The following APRT variants were observed in gnomAD, a reference collection of about 807,000 sequenced individuals.
The protein encoded by APRT is AMP diphosphorylase.
In APRT, 25 loss-of-function variants were observed where a neutral mutation model predicts 21.0. The observed-to-expected ratio is 1.19, with a 90% CI of 0.87 to 1.66. The LOEUF (loss-of-function observed/expected upper bound fraction) is 1.66, where lower values mean the gene tolerates loss of function less well. Among genes scored for constraint, APRT ranks in the 40% most tolerant of loss-of-function variants. The pLI, the probability that APRT is intolerant of heterozygous loss-of-function variation, is 0.00. For missense variants in APRT, 294 were observed against 232.7 expected (o/e 1.26, Z -1.72); for synonymous variants, 153 against 109.0 (o/e 1.40, Z -2.52).
chr16:88,809,437 G>GC lies in APRT; in HGVS notation c.*260dup. 1.6e-6 allele frequency: 1 copy of GC among 609,272 alleles called. No homozygotes were observed. Among genetic ancestry groups the GC allele is most frequent in the Non-Finnish European group, 3.0e-6 (1 of 329,034 alleles). The allele number at this position is 609,272 out of a possible 1,614,324, so 37.7% of individuals were successfully genotyped here. Reference sequence around the variant, plus strand: ...GTCTGGTGTTGTCCTGGGGCTCCCTGCCCTGGGGAACAGGAGGACAGGAGA... The same window carrying GC: ...GTCTGGTGTTGTCCTGGGGCTCCCTGCCCCTGGGGAACAGGAGGACAGGAGA... On this transcript the variant is annotated 3_prime_UTR_variant, in exon 5 of 5. Coordinates refer to ENST00000378364, the MANE Select transcript of APRT (RefSeq NM_000485.3).
rs138781159 is a variant in APRT at position 88,810,480 on chromosome 16, C to T, written c.264G>A (p.Lys88=). ...GAGTGGGGCCTGGCAGCTTCCCCCG[C>T]TTTCGGATGAGCACGCAGCCCAGTC... ...ELGLGCVLIR[K]RGKLPGPTLW... The change falls in exon 3 of 5, where the codon AAG becomes AAA. Residue 88 remains lysine (K), a synonymous_variant. Transcript: ENST00000378364. 72 of 1,612,234 alleles carry T rather than the reference C, an allele frequency of 4.5e-5. No homozygotes were observed. In the African/African-American group the frequency reaches 7.9e-4, roughly 18 times the overall value.
Position 88,809,539 on chromosome 16 carries a change from TGCCCCAGGCTTTGGCACTTCCA to T in APRT, c.*137_*158del, listed in dbSNP as rs1909021812. On this transcript the variant is annotated 3_prime_UTR_variant, in exon 5 of 5. Coordinates refer to ENST00000378364, the MANE Select transcript of APRT (RefSeq NM_000485.3). ...GTTCAGTGTGGCTGAAACACAGCTT[TGCCCCAGGCTTTGGCACTTCCA>T]GCCCCAGGAGAGGCGCTGAACCCCA... 5.9e-6 allele frequency: 7 copies of T among 1,177,958 alleles called. No individual in the cohort carries two copies. Among genetic ancestry groups the T allele is most frequent in the South Asian group, 2.6e-5 (2 of 78,014 alleles). The allele number at this position is 1,177,958 out of a possible 1,614,324, so 73.0% of individuals were successfully genotyped here. A position where few individuals can be genotyped will look rare whatever the true frequency, so the allele number is the denominator to read the frequency against.
At position 88,811,768 on chromosome 16, in the gene APRT, C is replaced by A. The variant is rs8191470; in HGVS notation, c.80+52G>T. 4.5e-3 allele frequency: 6,865 copies of A among 1,520,792 alleles called. 227 individuals carry two copies. In the African/African-American group the frequency reaches 0.08, roughly 18 times the overall value. 94.2% of individuals were successfully genotyped at this position (1,520,792 alleles called of 1,614,324 possible). ...CCCGGAGGTCGCGGGCCACGCGCTCCCATCCGTAGGCCCGCAGGTCGGGGC... is the reference window on the plus strand; with the variant it reads ...CCCGGAGGTCGCGGGCCACGCGCTCACATCCGTAGGCCCGCAGGTCGGGGC... On this transcript the variant is annotated intron_variant, in intron 1 of 4. Coordinates refer to ENST00000378364, the MANE Select transcript of APRT (RefSeq NM_000485.3).
chr16:88,809,700 A>C lies in APRT; in HGVS notation c.541T>G (p.Ter181GlyextTer?). 1 of 1,613,314 alleles carries C rather than the reference A, an allele frequency of 6.2e-7. No individual in the cohort carries two copies. The highest frequency in any genetic ancestry group is 8.5e-7 in the Non-Finnish European group (1 of 1,179,990). ...VPFFSLLQYE[*>G] ...TGTTGGGCTGGGAGGCCCTGTGGTC[A>C]CTCATACTGCAGGAGAGAGAAGAAG... is the stretch of plus-strand genomic sequence containing the variant. Residue 181 changes from the stop codon to glycine (G), a stop_lost, in exon 5 of 5, where the codon TGA becomes GGA. Coordinates refer to ENST00000378364, the MANE Select transcript of APRT (RefSeq NM_000485.3).
At chr16:88,810,178 G>C (rs769819482) in intron 3 of APRT, 30 bp from the exon 4 acceptor site, 13 of 1,607,372 alleles carry the variant, frequency 8.1e-6, no homozygotes, top group South Asian at 1.1e-5. Flanking sequence ...GTGGTCCTCA[G>C]CCTCCCGCAG....
intron 2 of APRT, chr16:88,811,171 G>A (rs552015012): frequency 4.8e-5 from 21 of 435,816 alleles, no homozygotes; most frequent in African/African-American, 2.7e-4. Flanking sequence ...TTCCCTGGGT[G>A]GGCATTCCGT....
Position 88,810,258 on chromosome 16 carries a change from C to G in APRT, c.322-110G>C, listed in dbSNP as rs8191489. On this transcript the variant is annotated intron_variant, in intron 3 of 4. Transcript: ENST00000378364. ...TGACTCCAACCCCACCTTGCTGTTA[C>G]CTGGCTGTGTGAGCCCAGCCTATGT... The G allele has an allele frequency of 0.24, 362,757 of 1,498,474 alleles. 47,133 individuals carry two copies. Among genetic ancestry groups the G allele is most frequent in the East Asian group, 0.55 (24,195 of 43,780 alleles). 92.8% of individuals were successfully genotyped at this position (1,498,474 alleles called of 1,614,324 possible). A position where few individuals can be genotyped will look rare whatever the true frequency, so the allele number is the denominator to read the frequency against.
At position 88,811,924 on chromosome 16, in the gene APRT, A is replaced by G. The variant is rs905973902; in HGVS notation, c.-25T>C. 19 of 1,534,948 alleles carry G rather than the reference A, an allele frequency of 1.2e-5. No individual in the cohort carries two copies. Among genetic ancestry groups the G allele is most frequent in the Non-Finnish European group, 1.6e-5 (18 of 1,143,844 alleles). ...TGGCCGCGTGCGAAGAGCCAGCGGC[A>G]GCCCGAGCGCGCCTGCGCGGGGACG... On this transcript the variant is annotated 5_prime_UTR_variant, in exon 1 of 5. Coordinates refer to ENST00000378364, the MANE Select transcript of APRT (RefSeq NM_000485.3).
At chr16:88,809,999 CA>C (rs2142951376) in intron 4 of APRT, 70 bp downstream of exon 4, 1 of 1,580,332 alleles carries the variant, frequency 6.3e-7, no homozygotes, top group African/African-American at 1.3e-5. Context: ...TCCCATGTCA[CA>C]CAGCGAGGTC....
In APRT at chr16:88,810,496, C is replaced by A; in HGVS notation, c.248G>T (p.Cys83Phe). The change falls in exon 3 of 5, where the codon TGC (cysteine) becomes TTC (phenylalanine). Residue 83 changes from cysteine to phenylalanine, a missense_variant. Transcript: ENST00000378364. ...PSLAQELGLGCVLIRKRGKLP... is the reference protein window; with the variant it reads ...PSLAQELGLGFVLIRKRGKLP... The stretch of plus-strand genomic sequence containing the variant: ...CTTCCCCCGCTTTCGGATGAGCACG[C>A]AGCCCAGTCCAAGCTCCTGGGCCAG... The A allele has an allele frequency of 6.2e-7, 1 of 1,612,274 alleles. No individual in the cohort carries two copies. Among genetic ancestry groups the A allele is most frequent in the East Asian group, 2.2e-5 (1 of 44,866 alleles).
At position 88,809,949 on chromosome 16, in the gene APRT, G is replaced by A. The variant is rs778847710; in HGVS notation, c.401-109C>T. The A allele has an allele frequency of 3.2e-6, 5 of 1,571,038 alleles. No individual in the cohort carries two copies. In the African/African-American group the frequency reaches 5.4e-5, roughly 17 times the overall value. ...AAGGCATGGGGAGAGGAAGGTGTCGGCCTGGCCACCAGGCACCCTCTGGAC... is the reference window on the plus strand; with the variant it reads ...AAGGCATGGGGAGAGGAAGGTGTCGACCTGGCCACCAGGCACCCTCTGGAC... On this transcript the variant is annotated intron_variant, in intron 4 of 4. Coordinates refer to ENST00000378364, the MANE Select transcript of APRT (RefSeq NM_000485.3).
Position 88,809,378 on chromosome 16 carries a change from A to T in APRT, c.*320T>A. Reference sequence around the variant, plus strand: ...ACCAGGACAGGTTCTGCTGGGCATCACGCCAAGCAGCACATGCCCACAGTA... The same window carrying T: ...ACCAGGACAGGTTCTGCTGGGCATCTCGCCAAGCAGCACATGCCCACAGTA... On this transcript the variant is annotated 3_prime_UTR_variant, in exon 5 of 5. Transcript: ENST00000378364. The T allele has an allele frequency of 2.0e-6, 1 of 505,154 alleles. No homozygotes were observed. The highest frequency in any genetic ancestry group is 3.8e-6 in the Non-Finnish European group (1 of 259,838). 31.3% of individuals were successfully genotyped at this position (505,154 alleles called of 1,614,324 possible).
rs781770199 is a variant in APRT at position 88,809,413 on chromosome 16, T to C, written c.*285A>G. On this transcript the variant is annotated 3_prime_UTR_variant, in exon 5 of 5. Transcript: ENST00000378364. The stretch of plus-strand genomic sequence containing the variant: ...GCACATGCCCACAGTACAGCTGAAG[T>C]CTGGTGTTGTCCTGGGGCTCCCTGC... 1.1e-5 allele frequency: 6 copies of C among 560,918 alleles called. No homozygotes were observed. Among genetic ancestry groups the C allele is most frequent in the South Asian group, 9.2e-5 (6 of 65,506 alleles). 34.7% of individuals were successfully genotyped at this position (560,918 alleles called of 1,614,324 possible). A position where few individuals can be genotyped will look rare whatever the true frequency, so the allele number is the denominator to read the frequency against.
At position 88,809,845 on chromosome 16, in the gene APRT, G is replaced by A. The variant is rs1433389184; in HGVS notation, c.401-5C>T. 1 of 1,610,722 alleles carries A rather than the reference G, an allele frequency of 6.2e-7. No homozygotes were observed. Among genetic ancestry groups the A allele is most frequent in the African/African-American group, 1.3e-5 (1 of 75,066 alleles). ...CACAGGCAGCGTTCATGGTTCCTGGGGATGGGAGGGTGAGGTCCCCAGTTG... is the reference window on the plus strand; with the variant it reads ...CACAGGCAGCGTTCATGGTTCCTGGAGATGGGAGGGTGAGGTCCCCAGTTG... On this transcript the variant is annotated splice_polypyrimidine_tract_variant and splice_region_variant and intron_variant, in intron 4 of 4. Coordinates refer to ENST00000378364, the MANE Select transcript of APRT (RefSeq NM_000485.3).
At position 88,809,438 on chromosome 16, in the gene APRT, C is replaced by A. The variant is rs1412191921; in HGVS notation, c.*260G>T. ...TCTGGTGTTGTCCTGGGGCTCCCTGCCCTGGGGAACAGGAGGACAGGAGAC... is the reference window on the plus strand; with the variant it reads ...TCTGGTGTTGTCCTGGGGCTCCCTGACCTGGGGAACAGGAGGACAGGAGAC... On this transcript the variant is annotated 3_prime_UTR_variant, in exon 5 of 5. Transcript: ENST00000378364. 1.6e-6 allele frequency: 1 copy of A among 610,782 alleles called. No homozygotes were observed. The highest frequency in any genetic ancestry group is 1.5e-5 in the South Asian group (1 of 66,042). The allele number at this position is 610,782 out of a possible 1,614,324, so 37.8% of individuals were successfully genotyped here.
rs756540920 is a variant in APRT, at chr16:88,810,557, C to T, written c.188-1G>A. 3.1e-6 allele frequency: 5 copies of T among 1,611,216 alleles called. No individual in the cohort carries two copies. The highest frequency in any genetic ancestry group is 1.7e-6 in the Non-Finnish European group (2 of 1,179,604). ...AAGAGGAAGCCTCGGGAGTCTAGGC[C>T]TGTCAGGGTAAGTGACAGGAGTGAC... On this transcript the variant is annotated splice_acceptor_variant, in intron 2 of 4. Coordinates refer to ENST00000378364, the MANE Select transcript of APRT (RefSeq NM_000485.3). LOFTEE classifies it high-confidence loss of function.
rs376141412 is a variant in APRT, at chr16:88,810,163, G to A, written c.322-15C>T. ...TCCAGCTCAGCCTGGAGTGGGAAGT[G>A]GTGTGTGGTCCTCAGCCTCCCGCAG... On this transcript the variant is annotated splice_polypyrimidine_tract_variant and intron_variant, in intron 3 of 4. Transcript: ENST00000378364. The A allele has an allele frequency of 6.2e-7, 1 of 1,611,976 alleles. No homozygotes were observed.
chr16:88,810,292 C>G lies in APRT; in HGVS notation c.321+131G>C, dbSNP rs1422102750. 2.0e-6 allele frequency: 3 copies of G among 1,513,134 alleles called. No homozygotes were observed. In the East Asian group the frequency reaches 7.0e-5, roughly 35 times the overall value. 93.7% of individuals were successfully genotyped at this position (1,513,134 alleles called of 1,614,324 possible). ...GTGAGCCCAGCCTATGTCTCAACCT[C>G]TCTGAGCTCCCAAGGCCACTGTAAC... On this transcript the variant is annotated intron_variant, in intron 3 of 4. Transcript: ENST00000378364.
chr16:88,810,345 G>A, intron 3 of APRT, 78 bp downstream of exon 3: 4 of 1,587,234 alleles, frequency 2.5e-6, no homozygotes, highest in Non-Finnish European at 3.4e-6. Flanking sequence ...ACACGCCTGG[G>A]AAGGCCTTTT....
Sources: gnomAD v4.1 joint callset for allele counts on GRCh38, gnomAD v4.1.1 for gene constraint, MANE v1.5 for transcripts, NCBI Gene and HGNC (gene_info 2026-07-23, HGNC 2026-07-21) for gene names.